Variants in TMEM108 observed in about 807,000 individuals in gnomAD.
TMEM108 encodes the protein cancer/testis antigen 124.
In TMEM108, 12 loss-of-function variants were observed where a neutral mutation model predicts 35.1. The observed-to-expected ratio is 0.34, with a 90% CI of 0.22 to 0.55. The LOEUF is 0.55. Ranked by LOEUF, TMEM108 falls within the 20% of genes least tolerant of loss-of-function variation. The probability of loss-of-function intolerance (pLI) is 0.89; values close to 1 mark genes in which losing one functional copy is unlikely to be tolerated. For synonymous variants in TMEM108, 287 were observed against 308.6 expected, an observed-to-expected ratio of 0.93 and a Z score of 0.73; for missense variants, 680 against 753.3, an observed-to-expected ratio of 0.90 and a Z score of 1.14.
In TMEM108 at chr3:133,380,362, T is replaced by C; in HGVS notation, c.651T>C (p.Phe217=). 4 of 1,613,926 alleles carry C rather than the reference T, an allele frequency of 2.5e-6. No homozygotes were observed. The highest frequency in any genetic ancestry group is 3.4e-6 in the Non-Finnish European group (4 of 1,179,938). ...LGQKRPLGKI[F]QIYKGNFTGS... ...AGAAGCGGCCCCTGGGGAAAATCTT[T>C]CAGATCTACAAGGGCAACTTCACAG... Residue 217 remains phenylalanine, a synonymous_variant, in exon 4 of 6, where the codon TTT becomes TTC. Transcript: ENST00000321871. The surrounding 1 kb of genome is among the most constrained non-coding windows in gnomAD (Gnocchi z 5.3).
At chr3:133,190,182 A>G (rs1945478423) in intron 2 of TMEM108, among the ~76,000 whole-genome samples, 1 of 152,180 alleles carries the variant, frequency 6.6e-6, no homozygotes, top group Non-Finnish European at 1.5e-5. Flanking sequence ...GTTTTTAAGA[A>G]TTGCAATTTT....
intron 2 of TMEM108, among the ~76,000 whole-genome samples, chr3:133,158,291 A>G (rs1001153425): frequency 1.6e-4 from 24 of 152,076 alleles, no homozygotes; most frequent in Middle Eastern, 3.4e-3. Context: ...AACATGGTGA[A>G]ACCCCATCTC....
At chr3:133,065,937 A>G (rs560984472) in intron 2 of TMEM108, among the ~76,000 whole-genome samples, 2 of 152,184 alleles carry the variant, frequency 1.3e-5, no homozygotes, top group Non-Finnish European at 2.9e-5. Context: ...GGGTAAATAT[A>G]CTCTCTAAGT....
chr3:133,356,389 C>T (rs1920020), intron 3 of TMEM108, among the ~76,000 whole-genome samples: 46,830 of 152,028 alleles, frequency 0.31, 7,905 homozygotes, highest in East Asian at 0.47. Context: ...TGAAAATGAC[C>T]AGACTGCCAA....
intron 2 of TMEM108, among the ~76,000 whole-genome samples, chr3:133,182,301 G>C (rs1945358720): frequency 6.6e-6 from 1 of 152,170 alleles, no homozygotes. Flanking sequence ...ATTTTGTTTT[G>C]ATCTAGGAAA....
chr3:133,269,497 T>C (rs1316358570), intron 3 of TMEM108, among the ~76,000 whole-genome samples: 1 of 152,048 alleles, frequency 6.6e-6, no homozygotes, highest in East Asian at 1.9e-4. Context: ...AGCACTGGGG[T>C]CACTGGCTCC....
intron 3 of TMEM108, chr3:133,248,204 GC>G (rs1421047678): frequency 1.3e-5 from 2 of 151,962 alleles, no homozygotes; most frequent in African/African-American, 4.8e-5. Context: ...ACGATAACAA[GC>G]CTTTTGTACT....
At chr3:133,083,126 C>G (rs564080012) in intron 2 of TMEM108, among the ~76,000 whole-genome samples, 1 of 152,238 alleles carries the variant, frequency 6.6e-6, no homozygotes, top group Non-Finnish European at 1.5e-5. Context: ...CCTGTGCTTT[C>G]AACTACCAAG....
rs909161976 is a variant in TMEM108 at position 133,134,782 on chromosome 3, C to T, written c.-47+88762C>T. Among the ~76,000 whole-genome samples, 3 of 152,038 alleles carry T rather than the reference C, an allele frequency of 2.0e-5. 1 individual carries two copies. The highest frequency in any genetic ancestry group is 4.2e-4 in the South Asian group (2 of 4,798). Reference sequence around the variant, plus strand: ...TTTCATCCCTCACCCCCATCCCAACCTCCCCGCTTCTGAGTCTGTAGTATC... The same window carrying T: ...TTTCATCCCTCACCCCCATCCCAACTTCCCCGCTTCTGAGTCTGTAGTATC... On this transcript the variant is annotated intron_variant, in intron 2 of 5. Transcript: ENST00000321871.
chr3:133,331,326 A>G (rs1257823068), intron 3 of TMEM108, among the ~76,000 whole-genome samples: 1 of 152,234 alleles, frequency 6.6e-6, no homozygotes, highest in East Asian at 1.9e-4. Context: ...CTGGTTACAC[A>G]GGAGGGAAAT....
intron 3 of TMEM108, among the ~76,000 whole-genome samples, chr3:133,363,283 GA>G (rs375984575): frequency 1.0e-3 from 154 of 152,204 alleles, no homozygotes; most frequent in African/African-American, 3.7e-3. Context: ...AGTCCATCTG[GA>G]ACAGGGACCC....
intron 2 of TMEM108, among the ~76,000 whole-genome samples, chr3:133,209,847 G>T (rs1022343340): frequency 6.6e-6 from 1 of 152,034 alleles, no homozygotes; most frequent in African/African-American, 2.4e-5. Flanking sequence ...TAGTCTGGGG[G>T]TGGCTTCCCA....
chr3:133,166,599 C>T (rs1945041431), intron 2 of TMEM108, among the ~76,000 whole-genome samples: 1 of 152,082 alleles, frequency 6.6e-6, no homozygotes, highest in South Asian at 2.1e-4. Context: ...GTGAGTGTTA[C>T]AGCTCTTAAA....
intron 3 of TMEM108, among the ~76,000 whole-genome samples, chr3:133,235,383 T>C (rs1256535202): frequency 6.6e-6 from 1 of 152,174 alleles, no homozygotes; most frequent in African/African-American, 2.4e-5. Context: ...CAAAACAGCA[T>C]GGTACTAGTA....
intron 2 of TMEM108, among the ~76,000 whole-genome samples, chr3:133,216,335 T>C (rs1365594268): frequency 2.0e-5 from 3 of 152,092 alleles, no homozygotes; most frequent in Non-Finnish European, 4.4e-5. Flanking sequence ...TTAAGTAAGG[T>C]ATGGTCCAGG....
chr3:133,180,904 T>C (rs1945327319), intron 2 of TMEM108, among the ~76,000 whole-genome samples: 2 of 149,996 alleles, frequency 1.3e-5, no homozygotes, highest in Non-Finnish European at 3.0e-5. Context: ...TCAAACAACT[T>C]TTAACACAAA....
intron 2 of TMEM108, among the ~76,000 whole-genome samples, chr3:133,164,282 T>G (rs1945003932): frequency 6.6e-6 from 1 of 152,162 alleles, no homozygotes; most frequent in South Asian, 2.1e-4. Context: ...CTTACTGACT[T>G]GACTGAACAC....
chr3:133,340,298 C>T (rs1456789829), intron 3 of TMEM108, among the ~76,000 whole-genome samples: 5 of 151,590 alleles, frequency 3.3e-5, no homozygotes, highest in African/African-American at 1.2e-4. Context: ...TAGTGGCTAT[C>T]GTGAGCAACT....
intron 2 of TMEM108, among the ~76,000 whole-genome samples, chr3:133,058,565 C>A (rs889864128): frequency 6.6e-5 from 10 of 152,168 alleles, no homozygotes; most frequent in South Asian, 2.1e-4. Context: ...TGCCTACAGG[C>A]CCTATTGCCC....
Sources: allele counts gnomAD v4.1 joint callset (sites outside exome capture counted in the v4.1 genomes callset), GRCh38; gene constraint gnomAD v4.1.1; non-coding constraint Gnocchi (gnomAD v3.1); transcripts MANE v1.5; gene names NCBI Gene and HGNC (gene_info 2026-07-23, HGNC 2026-07-21).